DRC8: variants seen among roughly 807,000 people sequenced by gnomAD.
DRC8 encodes dynein regulatory complex subunit 8.
At chr1:245,048,954 C>T in the DRC8 span, among the ~76,000 whole-genome samples, 1,034 of 150,728 alleles carry the variant, frequency 6.9e-3, 9 homozygotes, top group African/African-American at 0.023. Context: ...AGGTGTGCAC[C>T]GCTGGGGTCT....
At chr1:245,099,853 A>G in the DRC8 span, among the ~76,000 whole-genome samples, 1 of 152,206 alleles carries the variant, frequency 6.6e-6, no homozygotes. Context: ...GTTTTACTAT[A>G]GAGAGTTAGT....
At chr1:245,104,676 A>G in the DRC8 span, among the ~76,000 whole-genome samples, 1 of 152,130 alleles carries the variant, frequency 6.6e-6, no homozygotes, top group South Asian at 2.1e-4. Context: ...TAGACATCAC[A>G]TCATTTCACC....
chr1:245,072,553 G>A, the DRC8 span, among the ~76,000 whole-genome samples: 9 of 152,178 alleles, frequency 5.9e-5, no homozygotes, highest in Non-Finnish European at 1.2e-4. Flanking sequence ...GAGTTTGAGG[G>A]CAGTGAAACT....
the DRC8 span, among the ~76,000 whole-genome samples, chr1:245,079,993 A>C: frequency 6.6e-6 from 1 of 152,160 alleles, no homozygotes; most frequent in African/African-American, 2.4e-5. Flanking sequence ...TCTGAAACAC[A>C]CAATTCTGTC....
the DRC8 span, among the ~76,000 whole-genome samples, chr1:245,105,684 A>G: frequency 1.3e-5 from 2 of 151,936 alleles, no homozygotes; most frequent in Non-Finnish European, 2.9e-5. Context: ...GCCATCAACT[A>G]TTCGGCTTCT....
chr1:245,117,469 G>C, the DRC8 span, among the ~76,000 whole-genome samples: 1 of 151,796 alleles, frequency 6.6e-6, no homozygotes, highest in African/African-American at 2.4e-5. Context: ...TTGTTGCCCA[G>C]GCTGGACTGC....
the DRC8 span, among the ~76,000 whole-genome samples, chr1:244,999,055 G>C: frequency 1.4e-5 from 1 of 73,502 alleles, no homozygotes; most frequent in Non-Finnish European, 2.5e-5. Flanking sequence ...TTGGATCCTG[G>C]GTCAAAAAAA....
chr1:245,066,300 C>T, the DRC8 span, among the ~76,000 whole-genome samples: 95 of 152,248 alleles, frequency 6.2e-4, 1 homozygote, highest in Admixed American at 1.6e-3. Context: ...CAGAAAATAG[C>T]AACAGTACTC....
chr1:244,978,911 G>A, the DRC8 span, among the ~76,000 whole-genome samples: 1 of 151,954 alleles, frequency 6.6e-6, no homozygotes, highest in Non-Finnish European at 1.5e-5. Context: ...CAATTTATCT[G>A]ACCTTTGGTT....
At chr1:245,086,315 G>A in the DRC8 span, among the ~76,000 whole-genome samples, 3 of 152,206 alleles carry the variant, frequency 2.0e-5, no homozygotes, top group Non-Finnish European at 4.4e-5. Context: ...TCAGCTAAGT[G>A]TAATAGCAGT....
chr1:245,119,849 C>T, the DRC8 span, among the ~76,000 whole-genome samples: 2 of 151,292 alleles, frequency 1.3e-5, no homozygotes, highest in African/African-American at 2.4e-5. Flanking sequence ...AGGAGAATGG[C>T]GTGAACCCAG....
the DRC8 span, among the ~76,000 whole-genome samples, chr1:245,097,556 G>A: frequency 3.3e-5 from 5 of 152,072 alleles, no homozygotes; most frequent in South Asian, 2.1e-4. The surrounding 1 kb of genome is among the most constrained non-coding windows in gnomAD (Gnocchi z 5.0). Context: ...AAGAAACAGC[G>A]CTAGCAAACA....
the DRC8 span, among the ~76,000 whole-genome samples, chr1:244,975,143 G>T: frequency 3.7e-3 from 560 of 152,142 alleles, 14 homozygotes; most frequent in Non-Finnish European, 8.8e-4. Context: ...TATTAGCCAG[G>T]ATGGTCTCGA....
the DRC8 span, among the ~76,000 whole-genome samples, chr1:245,106,990 G>T: frequency 6.6e-6 from 1 of 152,240 alleles, no homozygotes; most frequent in East Asian, 1.9e-4. Flanking sequence ...GTTGCAGTGA[G>T]CCAAGATTGC....
At chr1:245,005,985 C>A in the DRC8 span, among the ~76,000 whole-genome samples, 1 of 152,124 alleles carries the variant, frequency 6.6e-6, no homozygotes, top group Non-Finnish European at 1.5e-5. Flanking sequence ...AAAGCATTAT[C>A]ACTGGGACAC....
At chr1:245,030,805 G>A in the DRC8 span, 2 of 152,250 alleles carry the variant, frequency 1.3e-5, no homozygotes, top group Admixed American at 1.3e-4. Context: ...CCATCTGTAT[G>A]TCTTGCTTTA....
At chr1:245,119,574 G>T in the DRC8 span, among the ~76,000 whole-genome samples, 1 of 152,032 alleles carries the variant, frequency 6.6e-6, no homozygotes, top group Admixed American at 6.6e-5. Context: ...TAAGGCAGGA[G>T]GCTGAAGTGA....
the DRC8 span, among the ~76,000 whole-genome samples, chr1:245,018,220 C>G: frequency 8.2e-6 from 1 of 122,216 alleles, no homozygotes; most frequent in Admixed American, 9.2e-5. Context: ...GAGCGAGACT[C>G]TGTCTCAAAA....
the DRC8 span, among the ~76,000 whole-genome samples, chr1:245,108,288 C>T: frequency 1.2e-4 from 18 of 152,298 alleles, no homozygotes; most frequent in African/African-American, 4.1e-4. Context: ...AGGTCCTCAG[C>T]GACATGCCCA....
Sources: gnomAD v4.1 joint callset for allele counts (sites outside exome capture counted in the v4.1 genomes callset) on GRCh38, gnomAD v4.1.1 for gene constraint, Gnocchi (gnomAD v3.1) non-coding constraint, MANE v1.5 for transcripts, NCBI Gene and HGNC (gene_info 2026-07-23, HGNC 2026-07-21) for gene names.